The following DDX3X variants were observed in gnomAD, a reference collection of about 807,000 sequenced individuals.
DDX3X encodes the protein DEAD-box helicase 3 X-linked, also known as ATP-dependent RNA helicase DDX3X.
DDX3X carries 4 observed loss-of-function variants against 52.7 expected under a neutral mutation model. That is an observed-to-expected ratio of 0.08 (90% CI 0.04 to 0.17). The LOEUF (loss-of-function observed/expected upper bound fraction) is 0.17. Ranked by LOEUF, DDX3X falls within the 10% of genes least tolerant of loss-of-function variation. DDX3X has a pLI of 1.00. For synonymous variants in DDX3X, 192 were observed against 178.1 expected, an observed-to-expected ratio of 1.08 and a Z score of -0.62; for missense variants, 222 against 548.6, an observed-to-expected ratio of 0.40 and a Z score of 5.95.
At chrX:41,350,522 G>A (rs1443481972), downstream of DDX3X, 2 of 111,785 alleles carry the variant, frequency 1.8e-5, no homozygotes, top group Non-Finnish European at 3.8e-5. Context: ...GTTCTTTGAA[G>A]TATCTATTAT....
chrX:41,337,957 A>C (rs1208494393), intron 2 of DDX3X: 1 of 112,097 alleles, frequency 8.9e-6, no homozygotes, highest in Admixed American at 9.5e-5. Context: ...ATATTTATTA[A>C]ATTGAATTAA....
intron 3 of DDX3X, chrX:41,340,372 C>T (rs1398115730): frequency 1.7e-5 from 2 of 115,542 alleles, no homozygotes; most frequent in Admixed American, 9.4e-5. Context: ...TTAACTCTTT[C>T]TTGCTAGCAA....
At chrX:41,353,926 C>G (rs1046326923), downstream of DDX3X, among the ~76,000 whole-genome samples, 2 of 111,291 alleles carry the variant, frequency 1.8e-5, no homozygotes, top group Non-Finnish European at 3.8e-5. Flanking sequence ...GCAGAATGAT[C>G]TTAAGTATTT....
At position 41,344,461 on chromosome X, in the gene DDX3X, G is replaced by A. The variant is rs1303849843; in HGVS notation, c.1025+62G>A. ...TTGTTTTGTTCTTTTGTTTTTGGCA[G>A]AGTTGCGCTCTTGTTGCCCAGGCTG... On this transcript the variant is annotated intron_variant, in intron 10 of 16. Transcript: ENST00000644876. 7 of 1,164,684 alleles carry A rather than the reference G, an allele frequency of 6.0e-6. No individual in the cohort carries two copies. The South Asian group carries it at 1.3e-4, about 21-fold the overall frequency.
intron 2 of DDX3X, chrX:41,337,716 G>T (rs1429368810): frequency 2.8e-5 from 7 of 250,247 alleles, no homozygotes; most frequent in Non-Finnish European, 4.8e-5. Context: ...TGTGATCTCG[G>T]CTCACCGCAG....
At position 41,349,915 on chromosome X, in the gene DDX3X, T is replaced by C. The variant is rs2063969042; in HGVS notation, c.*2196T>C. ...TTAGTTGTGTGTTTTTTTTTTTTTTTCAGTGAATGTCTGGCACATTGCAAT... is the reference window on the plus strand; with the variant it reads ...TTAGTTGTGTGTTTTTTTTTTTTTTCCAGTGAATGTCTGGCACATTGCAAT... On this transcript the variant is annotated 3_prime_UTR_variant, in exon 17 of 17. Transcript: ENST00000644876. The C allele has an allele frequency of 9.1e-6, 1 of 109,880 alleles. No individual in the cohort carries two copies. Among genetic ancestry groups the C allele is most frequent in the Admixed American group, 9.8e-5 (1 of 10,179 alleles). 9.1% of individuals were successfully genotyped at this position (109,880 alleles called of 1,213,427 possible).
At chrX:41,334,861 C>G in intron 1 of DDX3X, 1 of 652,417 alleles carries the variant, frequency 1.5e-6, no homozygotes, top group South Asian at 3.6e-5. Flanking sequence ...GGCGCTGTGG[C>G]TCACCTCCGG....
intron 4 of DDX3X, 81 bp from the exon 5 acceptor site, chrX:41,342,414 C>T (rs1739440534): frequency 9.2e-7 from 1 of 1,085,491 alleles, no homozygotes; most frequent in South Asian, 2.0e-5. Flanking sequence ...ACTTAAGTCT[C>T]CAGATACAGT....
At chrX:41,350,574 C>G (rs890362289), downstream of DDX3X, 1 of 111,238 alleles carries the variant, frequency 9.0e-6, no homozygotes, top group African/African-American at 3.3e-5. Flanking sequence ...GGATAAAAGT[C>G]AAGTGTGTCA....
intron 2 of DDX3X, 47 bp downstream of exon 2, chrX:41,337,512 C>A: frequency 9.5e-7 from 1 of 1,054,951 alleles, no homozygotes; most frequent in Non-Finnish European, 1.3e-6. Context: ...AGCTTAACAT[C>A]TTAAGATTTC....
At chrX:41,342,689 C>G in intron 5 of DDX3X, 36 bp downstream of exon 5, 1 of 1,208,701 alleles carries the variant, frequency 8.3e-7, no homozygotes, top group Non-Finnish European at 1.1e-6. Flanking sequence ...TGTGATGAAG[C>G]CTTACTAGCT....
rs1291725741 is a variant in DDX3X at position 41,347,360 on chromosome X, C to T, written c.1818C>T (p.Ser606=). 2.6e-5 allele frequency: 32 copies of T among 1,209,571 alleles called. No individual in the cohort carries two copies. Among genetic ancestry groups the T allele is most frequent in the Non-Finnish European group, 3.1e-5 (28 of 894,893 alleles). ...GFGARDYRQS[S]GASSSSFSSS... is the part of the protein sequence containing the mutation. ...GTGCCAGAGACTACCGACAAAGTAGCGGTGCCAGCAGTTCCAGCTTCAGCA... is the reference window on the plus strand; with the variant it reads ...GTGCCAGAGACTACCGACAAAGTAGTGGTGCCAGCAGTTCCAGCTTCAGCA... Residue 606 remains serine, a synonymous_variant, in exon 16 of 17, where the codon AGC becomes AGT. Transcript: ENST00000644876.
At chrX:41,343,406 A>G in intron 7 of DDX3X, 55 bp downstream of exon 7, 1 of 1,088,629 alleles carries the variant, frequency 9.2e-7, no homozygotes, top group Non-Finnish European at 1.2e-6. Flanking sequence ...AGGACTAGAC[A>G]ATAAAATATT....
At chrX:41,334,966 C>T (rs896281125) in intron 1 of DDX3X, 6 of 173,279 alleles carry the variant, frequency 3.5e-5, no homozygotes, top group Non-Finnish European at 4.9e-5. Context: ...TTTTTCGCTT[C>T]AGCCCAGGTT....
At chrX:41,334,901 C>T (rs887936301) in intron 1 of DDX3X, 1 of 382,079 alleles carries the variant, frequency 2.6e-6, no homozygotes, top group Non-Finnish European at 3.7e-6. Flanking sequence ...GGGCGAAGGC[C>T]TGGAAAGGAG....
In DDX3X at chrX:41,345,553, CATT is replaced by C. The variant is rs773297757; in HGVS notation, c.1315+8_1315+10del. On this transcript the variant is annotated splice_donor_region_variant and intron_variant, in intron 12 of 16. Transcript: ENST00000644876. ...TTGACCTCCTAAATGCAACAGGTAA[CATT>C]ATGAATTTTTTATTTTATTAGACAT... 17 of 1,188,815 alleles carry C rather than the reference CATT, an allele frequency of 1.4e-5. No homozygotes were observed. The South Asian group carries it at 2.8e-4, about 19-fold the overall frequency.
chrX:41,359,130 C>T (rs764975988), intron 5 of DDX3X, among the ~76,000 whole-genome samples: 2 of 112,366 alleles, frequency 1.8e-5, no homozygotes, highest in African/African-American at 6.4e-5. Flanking sequence ...ATCAGTGTCA[C>T]AAATACTCTT....
At chrX:41,362,138 G>T (rs1391975226) in intron 5 of DDX3X, among the ~76,000 whole-genome samples, 1 of 100,066 alleles carries the variant, frequency 1.0e-5, no homozygotes, top group Non-Finnish European at 2.0e-5. Context: ...GCCCAGACTG[G>T]AGTGCAATGG....
chrX:41,349,900 G>GT lies in DDX3X; in HGVS notation c.*2196dup, dbSNP rs745349949. The GT allele has an allele frequency of 0.09, 7,845 of 86,773 alleles. 346 individuals are homozygous for GT. The highest frequency in any genetic ancestry group is 0.16 in the African/African-American group (3,871 of 24,272). The allele number at this position is 86,773 out of a possible 1,213,427, so 7.2% of individuals were successfully genotyped here. On this transcript the variant is annotated 3_prime_UTR_variant, in exon 17 of 17. Coordinates refer to ENST00000644876, the MANE Select transcript of DDX3X (RefSeq NM_001356.5). ...TTGTGTGGATTTTGTTTAGTTGTGT[G>GT]TTTTTTTTTTTTTTTCAGTGAATGT...
Sources: allele counts gnomAD v4.1 joint callset (sites outside exome capture counted in the v4.1 genomes callset), GRCh38; gene constraint gnomAD v4.1.1; transcripts MANE v1.5; gene names NCBI Gene and HGNC (gene_info 2026-07-23, HGNC 2026-07-21).